The following GARRE1 variants were observed in gnomAD, a reference collection of about 807,000 sequenced individuals.
The protein encoded by GARRE1 is granule associated Rac and RHOG effector 1, also known as granule associated Rac and RHOG effector protein 1.
GARRE1 carries 49 observed loss-of-function variants against 103.2 expected under a neutral mutation model. The observed-to-expected ratio is 0.47, with a 90% CI of 0.38 to 0.60. The LOEUF is 0.60. Ranked by LOEUF, GARRE1 falls within the 20% of genes least tolerant of loss-of-function variation. The pLI is 0.00. For synonymous variants in GARRE1, 505 were observed against 532.8 expected, an observed-to-expected ratio of 0.95 and a Z score of 0.72; for missense variants, 1,199 against 1,370.5, an observed-to-expected ratio of 0.87 and a Z score of 1.98.
rs142267455 is a variant in GARRE1, at chr19:34,342,044, C to T, written c.2110C>T (p.Gln704Ter). 1 of 1,614,086 alleles carries T rather than the reference C, an allele frequency of 6.2e-7. No homozygotes were observed. The highest frequency in any genetic ancestry group is 1.3e-5 in the African/African-American group (1 of 75,036). ...LPVPPPPRAP[Q>*]AGAHTPLTPQ... is the part of the protein sequence containing the mutation. Reference sequence around the variant, plus strand: ...TGTGCCCCCTCCACCACGGGCACCCCAGGCTGGGGCACACACACCTCTGAC... The same window carrying T: ...TGTGCCCCCTCCACCACGGGCACCCTAGGCTGGGGCACACACACCTCTGAC... The change falls in exon 10 of 14, where the codon CAG becomes TAG. Residue 704 changes from glutamine to a stop codon, truncating the protein, a stop_gained. Transcript: ENST00000299505. LOFTEE classifies it high-confidence loss of function.
At chr19:34,265,409 T>G (rs1050478436) in intron 1 of GARRE1, 2 of 152,226 alleles carry the variant, frequency 1.3e-5, no homozygotes, top group African/African-American at 4.8e-5. Flanking sequence ...TCCTTGTGCT[T>G]GAGTCACTTT....
chr19:34,307,164 C>T (rs991546332), intron 2 of GARRE1, among the ~76,000 whole-genome samples: 1 of 152,120 alleles, frequency 6.6e-6, no homozygotes, highest in African/African-American at 2.4e-5. Context: ...AGAGGGGCCA[C>T]TCTGGTGTCT....
At chr19:34,282,532 C>T (rs2073861894) in intron 1 of GARRE1, among the ~76,000 whole-genome samples, 1 of 152,280 alleles carries the variant, frequency 6.6e-6, no homozygotes, top group Middle Eastern at 3.4e-3. Context: ...TTTCTGGGAC[C>T]TAAAATATGT....
At chr19:34,279,801 C>T (rs149783785) in intron 1 of GARRE1, among the ~76,000 whole-genome samples, 7,332 of 151,214 alleles carry the variant, frequency 0.048, 569 homozygotes, top group African/African-American at 0.17. Context: ...CCGGCTAAAA[C>T]GGTGAAACCC....
intron 2 of GARRE1, among the ~76,000 whole-genome samples, chr19:34,306,024 A>G (rs1383246655): frequency 1.3e-5 from 2 of 152,196 alleles, no homozygotes; most frequent in Non-Finnish European, 2.9e-5. Context: ...CTTTTTCCCC[A>G]GAGCAATATT....
chr19:34,341,452 G>A lies in GARRE1; in HGVS notation c.1518G>A (p.Gln506=), dbSNP rs766880356. 6.2e-7 allele frequency: 1 copy of A among 1,613,270 alleles called. No homozygotes were observed. The highest frequency in any genetic ancestry group is 1.1e-5 in the South Asian group (1 of 91,044). The part of the protein sequence containing the change: ...REQALPCIQI[Q]LQREICDFGN... Reference sequence around the variant, plus strand: ...AAGCTTTACCCTGCATACAGATCCAGCTGCAAAGGGAGATCTGTGATTTTG... The same window carrying A: ...AAGCTTTACCCTGCATACAGATCCAACTGCAAAGGGAGATCTGTGATTTTG... The change falls in exon 10 of 14, where the codon CAG becomes CAA. Residue 506 remains glutamine, a synonymous_variant. Coordinates refer to ENST00000299505, the MANE Select transcript of GARRE1 (RefSeq NM_014686.5).
chr19:34,352,753 C>T lies in GARRE1; in HGVS notation c.3011C>T (p.Pro1004Leu). Reference sequence around the variant, plus strand: ...GCACCACTCTATGCAGTCACCAGCCCTGGCAGCCAGTGGAACGACACCATG... The same window carrying T: ...GCACCACTCTATGCAGTCACCAGCCTTGGCAGCCAGTGGAACGACACCATG... The part of the protein sequence containing the change: ...PSAPLYAVTS[P>L]GSQWNDTMQM... Residue 1004 changes from proline (P) to leucine (L), a missense_variant, in exon 14 of 14, where the codon CCT (proline) becomes CTT (leucine). Transcript: ENST00000299505. 6.2e-7 allele frequency: 1 copy of T among 1,614,162 alleles called. No homozygotes were observed. Among genetic ancestry groups the T allele is most frequent in the Middle Eastern group, 1.6e-4 (1 of 6,062 alleles).
chr19:34,273,355 T>C (rs1371628986), intron 1 of GARRE1, among the ~76,000 whole-genome samples: 1 of 152,180 alleles, frequency 6.6e-6, no homozygotes, highest in Non-Finnish European at 1.5e-5. Context: ...GACTGGTCCA[T>C]TTCTTTGGGG....
chr19:34,303,162 T>C (rs977010660), intron 2 of GARRE1, among the ~76,000 whole-genome samples: 2 of 152,228 alleles, frequency 1.3e-5, no homozygotes, highest in African/African-American at 4.8e-5. Context: ...TTTTAGGAAA[T>C]GATTTATTCA....
In GARRE1 at chr19:34,296,413, G is replaced by A. The variant is rs1361189653; in HGVS notation, c.-795-3266G>A. ...CACAGCCTGAGTCCCTTGGCAGTGC[G>A]GGCACGAGCACACTTCCCAAGCTTG... On this transcript the variant is annotated intron_variant, in intron 1 of 13. Transcript: ENST00000299505. The A allele has an allele frequency of 2.4e-5, 38 of 1,568,830 alleles. No homozygotes were observed. The East Asian group carries it at 3.6e-4, about 15-fold the overall frequency.
In GARRE1 at chr19:34,321,574, C is replaced by G. The variant is rs548720518; in HGVS notation, c.705+1458C>G. On this transcript the variant is annotated intron_variant, in intron 3 of 13. Coordinates refer to ENST00000299505, the MANE Select transcript of GARRE1 (RefSeq NM_014686.5). The stretch of plus-strand genomic sequence containing the variant: ...GGTTCAAACAATTCTCTGCCTCAGC[C>G]TCCCAAGTAGCTGGGATTACAGGCG... Among the ~76,000 whole-genome samples the G allele has an allele frequency of 8.5e-5, 13 of 152,146 alleles. No homozygotes were observed. The South Asian group carries it at 2.5e-3, about 29-fold the overall frequency.
At chr19:34,317,700 C>T (rs1268104562) in intron 2 of GARRE1, among the ~76,000 whole-genome samples, 1 of 152,164 alleles carries the variant, frequency 6.6e-6, no homozygotes, top group African/African-American at 2.4e-5. Context: ...GATTGTGTCC[C>T]GTTGACAAAA....
At chr19:34,261,851 G>A (rs941364939) in intron 1 of GARRE1, among the ~76,000 whole-genome samples, 1 of 152,144 alleles carries the variant, frequency 6.6e-6, no homozygotes, top group Non-Finnish European at 1.5e-5. Flanking sequence ...TGAGTCCTTC[G>A]ACTCACTGCG....
At chr19:34,263,265 G>T (rs867148277) in intron 1 of GARRE1, among the ~76,000 whole-genome samples, 30 of 149,612 alleles carry the variant, frequency 2.0e-4, no homozygotes, top group Admixed American at 1.2e-3. Context: ...TCTCGATAGA[G>T]AGATAGATAG....
chr19:34,276,480 T>C (rs1055139469), intron 1 of GARRE1, among the ~76,000 whole-genome samples: 1 of 152,134 alleles, frequency 6.6e-6, no homozygotes, highest in Non-Finnish European at 1.5e-5. Context: ...TATGTACATA[T>C]GTGTATATGT....
chr19:34,264,388 G>T (rs1334265192), intron 1 of GARRE1, among the ~76,000 whole-genome samples: 1 of 152,042 alleles, frequency 6.6e-6, no homozygotes, highest in East Asian at 1.9e-4. Flanking sequence ...CGTGTCATGT[G>T]ATGACATGTC....
At chr19:34,289,141 AAAAGT>A (rs1280289123) in intron 1 of GARRE1, among the ~76,000 whole-genome samples, 3 of 151,834 alleles carry the variant, frequency 2.0e-5, no homozygotes, top group African/African-American at 7.3e-5. Flanking sequence ...CTCAAAAACA[AAAAGT>A]AAATCTGGTT....
At chr19:34,264,606 G>A (rs970363358) in intron 1 of GARRE1, among the ~76,000 whole-genome samples, 1 of 152,242 alleles carries the variant, frequency 6.6e-6, no homozygotes, top group East Asian at 1.9e-4. Flanking sequence ...CACTGTGTTA[G>A]CCAGGATGGT....
chr19:34,344,840 A>ATT (rs539157165), intron 10 of GARRE1, among the ~76,000 whole-genome samples: 119 of 139,400 alleles, frequency 8.5e-4, no homozygotes, highest in Middle Eastern at 7.1e-3. Context: ...CACCCAGCTA[A>ATT]TTTTTTTTTT....
Sources: gnomAD v4.1 joint callset for allele counts (sites outside exome capture counted in the v4.1 genomes callset) on GRCh38, gnomAD v4.1.1 for gene constraint, MANE v1.5 for transcripts, NCBI Gene and HGNC (gene_info 2026-07-23, HGNC 2026-07-21) for gene names.